Variants in CDK5RAP2 observed in about 807,000 individuals in gnomAD.
CDK5RAP2 encodes CDK5 regulatory subunit associated protein 2, also known as CDK5 regulatory subunit-associated protein 2.
In CDK5RAP2, 147 loss-of-function variants were observed where a neutral mutation model predicts 232.9. The ratio of observed to expected loss-of-function variants is 0.63; its 90% CI spans 0.55 to 0.72. The LOEUF is 0.72. Among genes scored for constraint, CDK5RAP2 ranks in the 30% least tolerant of loss-of-function variants. The pLI, the probability that CDK5RAP2 is intolerant of heterozygous loss-of-function variation, is 0.00. For missense variants in CDK5RAP2, 2,195 were observed against 2,231.5 expected, an observed-to-expected ratio of 0.98 and a Z score of 0.33; for synonymous variants, 833 against 833.7, an observed-to-expected ratio of 1.00 and a Z score of 0.01.
intron 36 of CDK5RAP2, among the ~76,000 whole-genome samples, chr9:120,391,455 C>A (rs1165474426): frequency 6.6e-6 from 1 of 152,240 alleles, no homozygotes. Flanking sequence ...GTTCTTCCCA[C>A]CTCAGCAGAG....
intron 7 of CDK5RAP2, 94 bp downstream of exon 7, chr9:120,536,278 G>T: frequency 7.3e-7 from 1 of 1,371,468 alleles, no homozygotes; most frequent in Non-Finnish European, 1.0e-6. Flanking sequence ...AACATGGGGA[G>T]AAGGGAGGGA....
In CDK5RAP2 at chr9:120,407,099, C is replaced by G. The variant is rs1203459048; in HGVS notation, c.4876G>C (p.Gly1626Arg). ...QSRLKEQLAR[G>R]AEKAQEGALT... ...GCTCCTTCCTGTGCCTTCTCTGCCC[C>G]CCTTGCCAGCTGTTCCTTGAGCCTG... Residue 1626 changes from glycine to arginine, a missense_variant, in exon 32 of 38, where the codon GGG becomes CGG. Transcript: ENST00000349780. 21 of 1,614,120 alleles carry G rather than the reference C, an allele frequency of 1.3e-5. No individual in the cohort carries two copies. The highest frequency in any genetic ancestry group is 1.7e-5 in the Admixed American group (1 of 60,034).
At chr9:120,412,626 G>A (rs1488856651) in intron 28 of CDK5RAP2, among the ~76,000 whole-genome samples, 1 of 152,172 alleles carries the variant, frequency 6.6e-6, no homozygotes, top group Non-Finnish European at 1.5e-5. Flanking sequence ...ACCTGCCTTG[G>A]AACTCCCTGC....
intron 11 of CDK5RAP2, 45 bp downstream of exon 11, chr9:120,524,941 G>C (rs757829406): frequency 7.3e-7 from 1 of 1,367,768 alleles, no homozygotes; most frequent in Non-Finnish European, 1.0e-6. Context: ...CCTCACCAGG[G>C]GTCAGGATCA....
chr9:120,428,929 C>A (rs2035099573), intron 25 of CDK5RAP2, among the ~76,000 whole-genome samples: 1 of 152,146 alleles, frequency 6.6e-6, no homozygotes, highest in African/African-American at 2.4e-5. Context: ...GGGCTTCATC[C>A]CTGGGATGCA....
At chr9:120,418,511 T>C (rs2034371714) in intron 27 of CDK5RAP2, among the ~76,000 whole-genome samples, 1 of 152,166 alleles carries the variant, frequency 6.6e-6, no homozygotes, top group Admixed American at 6.5e-5. Context: ...TCTCTGGGGA[T>C]TCCTGGAAAG....
In CDK5RAP2 at chr9:120,471,859, C is replaced by G. The variant is rs775524686; in HGVS notation, c.1747G>C (p.Glu583Gln). The change falls in exon 16 of 38, where the codon GAG becomes CAG. Residue 583 changes from glutamate (E) to glutamine (Q), a missense_variant. Glu to Gln is a conservative substitution (Grantham distance 29). Coordinates refer to ENST00000349780, the MANE Select transcript of CDK5RAP2 (RefSeq NM_018249.6). ...CGCAGGGCAAAAATCTTGTTTAACT[C>G]AGCCTGCAGGTTGTTGATACTTGGT... ...ESDSINNLQAELNKIFALRKQ... is the reference protein window; with the variant it reads ...ESDSINNLQAQLNKIFALRKQ... The G allele has an allele frequency of 2.5e-6, 4 of 1,614,114 alleles. 1 individual carries two copies. The South Asian group carries it at 4.4e-5, about 18-fold the overall frequency.
Position 120,484,599 on chromosome 9 carries a change from G to A in CDK5RAP2, c.1626+2695C>T, listed in dbSNP as rs934569902. On this transcript the variant is annotated intron_variant, in intron 14 of 37. Transcript: ENST00000349780. ...ATTAGCCAGGCATGGTGGCACATGC[G>A]TAGAATCCTAGATACTTGGGAGGCT... Among the ~76,000 whole-genome samples the A allele has an allele frequency of 3.3e-5, 5 of 152,180 alleles. No homozygotes were observed. The Middle Eastern group carries it at 0.01, about 311-fold the overall frequency.
intron 5 of CDK5RAP2, 74 bp downstream of exon 5, chr9:120,545,640 A>G (rs754470918): frequency 6.4e-6 from 7 of 1,097,152 alleles, no homozygotes; most frequent in Non-Finnish European, 9.9e-6. Context: ...TGTCTTAGAA[A>G]AGTGTACGGC....
At position 120,406,892 on chromosome 9, in the gene CDK5RAP2, A is replaced by G. The variant is rs2033479755; in HGVS notation, c.4963+120T>C. 6 of 782,468 alleles carry G rather than the reference A, an allele frequency of 7.7e-6. No individual in the cohort carries two copies. The Admixed American group carries it at 1.3e-4, about 16-fold the overall frequency. The allele number at this position is 782,468 out of a possible 1,614,324, so 48.5% of individuals were successfully genotyped here. ...GGTCCCCTGGCTCCTAGGGTACAGC[A>G]TGTCAGCTATCAATGGAAAGACACC... On this transcript the variant is annotated intron_variant, in intron 32 of 37. Coordinates refer to ENST00000349780, the MANE Select transcript of CDK5RAP2 (RefSeq NM_018249.6).
intron 2 of CDK5RAP2, 56 bp from the exon 3 acceptor site, chr9:120,568,444 C>G: frequency 8.1e-7 from 1 of 1,227,242 alleles, no homozygotes; most frequent in Non-Finnish European, 1.2e-6. Context: ...CCCAGTGTTC[C>G]TATTGGGGAA....
chr9:120,534,467 C>A (rs933384878), intron 7 of CDK5RAP2, among the ~76,000 whole-genome samples: 1 of 152,216 alleles, frequency 6.6e-6, no homozygotes, highest in Non-Finnish European at 1.5e-5. Flanking sequence ...ACCCCTCCCA[C>A]CCTGCTGGAT....
Position 120,471,785 on chromosome 9 carries a change from G to A in CDK5RAP2, c.1821C>T (p.Thr607=), listed in dbSNP as rs1003478280. ...GAATTTCGCTGATCTGCTCCTCCAA[G>A]GTCTTCCGCAAATTCTGATATGAAA... ...DVLSYQNLRK[T]LEEQISEIRR... Residue 607 remains threonine (T), a synonymous_variant, in exon 16 of 38, where the codon ACC becomes ACT. Coordinates refer to ENST00000349780, the MANE Select transcript of CDK5RAP2 (RefSeq NM_018249.6). 4.3e-6 allele frequency: 7 copies of A among 1,613,914 alleles called. No homozygotes were observed. In the African/African-American group the frequency reaches 9.3e-5, roughly 22 times the overall value.
chr9:120,389,885 G>C (rs1407286870), intron 36 of CDK5RAP2, 98 bp from the exon 37 acceptor site: 5 of 1,070,626 alleles, frequency 4.7e-6, no homozygotes, highest in Non-Finnish European at 1.4e-6. Context: ...ACCCCAAAGG[G>C]CTCGGACATG....
At position 120,403,995 on chromosome 9, in the gene CDK5RAP2, C is replaced by T. The variant is rs770851018; in HGVS notation, c.5041+41G>A. 7.4e-7 allele frequency: 1 copy of T among 1,359,480 alleles called. No individual in the cohort carries two copies. The highest frequency in any genetic ancestry group is 1.1e-6 in the Non-Finnish European group (1 of 947,842). The allele number at this position is 1,359,480 out of a possible 1,614,324, so 84.2% of individuals were successfully genotyped here. On this transcript the variant is annotated intron_variant, in intron 33 of 37. Transcript: ENST00000349780. This position sits in a 1 kb window ranked among gnomAD's most constrained non-coding sequence, Gnocchi z 4.2. ...TGCAAGTTAAAAAGTCTTACTGTCA[C>T]ATCCAATGCTCCCACAGTTACCTGG... is the stretch of plus-strand genomic sequence containing the variant.
At chr9:120,408,899 C>G (rs758655069) in intron 30 of CDK5RAP2, among the ~76,000 whole-genome samples, 1 of 152,264 alleles carries the variant, frequency 6.6e-6, no homozygotes, top group Non-Finnish European at 1.5e-5. Flanking sequence ...TTCACAAAGG[C>G]CTTCCCTGAC....
chr9:120,516,267 C>T (rs2040333877), intron 12 of CDK5RAP2, among the ~76,000 whole-genome samples: 1 of 146,976 alleles, frequency 6.8e-6, no homozygotes, highest in South Asian at 2.1e-4. Flanking sequence ...ATTGCAAGGA[C>T]AAAAAACCAA....
intron 26 of CDK5RAP2, 106 bp from the exon 27 acceptor site, chr9:120,420,066 A>G (rs930267280): frequency 1.2e-4 from 108 of 878,716 alleles, no homozygotes; most frequent in Middle Eastern, 2.2e-4. Context: ...TAACTCCCCA[A>G]TGTTTGCAAC....
chr9:120,448,054 CAGGGAGACG>C lies in CDK5RAP2; in HGVS notation c.2857_2865del (p.Arg953_Pro955del), dbSNP rs765971413. On this transcript the variant is annotated inframe_deletion, in exon 22 of 38. Transcript: ENST00000349780. The stretch of plus-strand genomic sequence containing the variant: ...AGCTGCGTCACCACCTCCTGGGTGG[CAGGGAGACG>C]ATACATATTTCCTAATGACCGGGAT... 3 of 1,614,122 alleles carry C rather than the reference CAGGGAGACG, an allele frequency of 1.9e-6. No individual in the cohort carries two copies. The Admixed American group carries it at 5.0e-5, about 27-fold the overall frequency.
Sources: gnomAD v4.1 joint callset for allele counts (sites outside exome capture counted in the v4.1 genomes callset) on GRCh38, gnomAD v4.1.1 for gene constraint, Gnocchi (gnomAD v3.1) non-coding constraint, MANE v1.5 for transcripts, NCBI Gene and HGNC (gene_info 2026-07-23, HGNC 2026-07-21) for gene names.